Variants in SGCZ observed in about 807,000 individuals in gnomAD.
SGCZ encodes zeta-sarcoglycan.
In SGCZ, 40 loss-of-function variants were observed where a neutral mutation model predicts 41.3. The ratio of observed to expected loss-of-function variants is 0.97; its 90% CI spans 0.75 to 1.26. The LOEUF (loss-of-function observed/expected upper bound fraction) is 1.26. Ranked by LOEUF, SGCZ falls within the 50% of genes most tolerant of loss-of-function variation. The pLI, the probability that SGCZ is intolerant of heterozygous loss-of-function variation, is 0.00. For synonymous variants in SGCZ, 206 were observed against 137.5 expected (o/e 1.50, Z -3.49); for missense variants, 552 against 369.8 (o/e 1.49, Z -4.04).
intron 4 of SGCZ, among the ~76,000 whole-genome samples, chr8:14,233,398 G>C (rs935610254): frequency 2.0e-5 from 3 of 151,274 alleles, no homozygotes; most frequent in Admixed American, 1.3e-4. Context: ...TTTAAAAATA[G>C]TATGTTAAAT....
At chr8:14,464,722 T>C (rs1801000499) in intron 2 of SGCZ, among the ~76,000 whole-genome samples, 1 of 151,632 alleles carries the variant, frequency 6.6e-6, no homozygotes, top group Non-Finnish European at 1.5e-5. Flanking sequence ...CTTTTAAACA[T>C]TTATAACTAT....
chr8:14,113,976 C>A (rs920416773), intron 5 of SGCZ, among the ~76,000 whole-genome samples: 3 of 152,004 alleles, frequency 2.0e-5, no homozygotes, highest in Non-Finnish European at 2.9e-5. Flanking sequence ...ATCTGTGAAA[C>A]ATTTTCTTGG....
intron 1 of SGCZ, among the ~76,000 whole-genome samples, chr8:14,761,829 G>T (rs371403421): frequency 1.3e-5 from 2 of 151,936 alleles, no homozygotes; most frequent in African/African-American, 4.8e-5. Context: ...CATCACATCC[G>T]GCCCTGAATT....
At chr8:14,671,378 A>G (rs1808097235) in intron 1 of SGCZ, among the ~76,000 whole-genome samples, 1 of 152,164 alleles carries the variant, frequency 6.6e-6, no homozygotes, top group African/African-American at 2.4e-5. Flanking sequence ...TAATAGATGG[A>G]ATGGAATCAC....
chr8:15,017,962 C>T (rs899611022), intron 1 of SGCZ, among the ~76,000 whole-genome samples: 2 of 152,100 alleles, frequency 1.3e-5, no homozygotes, highest in Admixed American at 1.3e-4. Context: ...ACCCCTGGCC[C>T]AAAGTGATTC....
chr8:14,154,479 C>A (rs1803817051), intron 5 of SGCZ, among the ~76,000 whole-genome samples: 1 of 152,178 alleles, frequency 6.6e-6, no homozygotes, highest in Non-Finnish European at 1.5e-5. Context: ...GATCGAGACA[C>A]ATGTGAGTAA....
At chr8:14,168,707 A>G (rs1469220954) in intron 4 of SGCZ, among the ~76,000 whole-genome samples, 1 of 152,126 alleles carries the variant, frequency 6.6e-6, no homozygotes, top group Non-Finnish European at 1.5e-5. Flanking sequence ...AAACGGACTA[A>G]TACGCATTGT....
At chr8:14,965,132 G>A (rs1243277963) in intron 1 of SGCZ, among the ~76,000 whole-genome samples, 3 of 152,118 alleles carry the variant, frequency 2.0e-5, no homozygotes, top group Non-Finnish European at 4.4e-5. Context: ...ATACTCGAGA[G>A]GGGATCCACT....
chr8:14,914,226 A>G (rs1019646407), intron 1 of SGCZ, among the ~76,000 whole-genome samples: 6 of 142,482 alleles, frequency 4.2e-5, no homozygotes, highest in Admixed American at 2.8e-4. Context: ...ATAAATATGT[A>G]TGCGTATATA....
intron 2 of SGCZ, among the ~76,000 whole-genome samples, chr8:14,416,420 T>C (rs189762246): frequency 1.5e-4 from 23 of 151,992 alleles, no homozygotes; most frequent in Non-Finnish European, 2.7e-4. Context: ...AAGATAATAG[T>C]AAAGAACGAA....
intron 3 of SGCZ, among the ~76,000 whole-genome samples, chr8:14,274,937 C>G (rs1800177693): frequency 1.3e-5 from 2 of 152,068 alleles, no homozygotes; most frequent in South Asian, 4.1e-4. Flanking sequence ...TTGGCAAACT[C>G]ACTTCCTATC....
At chr8:14,590,256 G>A (rs73517206) in intron 1 of SGCZ, among the ~76,000 whole-genome samples, 2,409 of 151,994 alleles carry the variant, frequency 0.016, 68 homozygotes, top group African/African-American at 0.055. Context: ...AAAATAATAT[G>A]GTGTGGTAAG....
chr8:14,256,119 C>G (rs976746567), intron 3 of SGCZ, among the ~76,000 whole-genome samples: 3 of 152,098 alleles, frequency 2.0e-5, no homozygotes, highest in Admixed American at 1.3e-4. Context: ...AGCTGGGATA[C>G]TTGATAGATG....
At chr8:14,248,815 G>C (rs947672643) in intron 3 of SGCZ, among the ~76,000 whole-genome samples, 6 of 151,722 alleles carry the variant, frequency 4.0e-5, no homozygotes, top group Non-Finnish European at 8.8e-5. Context: ...GGAAACATTA[G>C]GGCCACATAT....
intron 1 of SGCZ, among the ~76,000 whole-genome samples, chr8:14,577,668 G>A (rs1028950441): frequency 1.4e-4 from 22 of 152,218 alleles, no homozygotes; most frequent in African/African-American, 4.8e-4. Flanking sequence ...GATTACAGCC[G>A]TGAGCCACGG....
In SGCZ at chr8:14,575,913, C is replaced by CAAAAAAAA. The variant is rs66656586; in HGVS notation, c.40-20995_40-20988dup. On this transcript the variant is annotated intron_variant, in intron 1 of 7. Coordinates refer to ENST00000382080, the MANE Select transcript of SGCZ (RefSeq NM_139167.4). Reference sequence around the variant, plus strand: ...AGAGTGAGACCCTGTCTCAAAATAACAAAAAAAAAAAAAAAAAAAAAAGAA... The same window carrying CAAAAAAAA: ...AGAGTGAGACCCTGTCTCAAAATAACAAAAAAAAAAAAAAAAAAAAAAAAAAAAAAGAA... 4.0e-3 allele frequency among the ~76,000 whole-genome samples: 396 copies of CAAAAAAAA among 100,000 alleles called. 1 individual carries two copies. The highest frequency in any genetic ancestry group is 5.0e-3 in the East Asian group (17 of 3,422). The allele number at this position is 100,000 out of a possible 152,430, so 65.6% of individuals were successfully genotyped here.
At chr8:14,335,216 A>G (rs1774540879) in intron 2 of SGCZ, among the ~76,000 whole-genome samples, 2 of 152,134 alleles carry the variant, frequency 1.3e-5, no homozygotes, top group African/African-American at 4.8e-5. Flanking sequence ...AGCCTCTTAG[A>G]CTAAAGAAGT....
At chr8:14,596,399 C>G (rs1367696311) in intron 1 of SGCZ, among the ~76,000 whole-genome samples, 1 of 152,048 alleles carries the variant, frequency 6.6e-6, no homozygotes, top group African/African-American at 2.4e-5. Flanking sequence ...CAATTTATCA[C>G]TCGGCAATAA....
rs773341326 is a variant in SGCZ at position 15,074,923 on chromosome 8, T to TC, written c.39+162661dup. 2.0e-5 allele frequency among the ~76,000 whole-genome samples: 3 copies of TC among 152,264 alleles called. No individual in the cohort carries two copies. The East Asian group carries it at 5.8e-4, about 29-fold the overall frequency. On this transcript the variant is annotated intron_variant, in intron 1 of 7. Transcript: ENST00000382080. ...CTGTGTATCTCTGTATCTGACCCTA[T>TC]CCCTTACTGCTATATCTCAGTATCC...
Sources: allele counts gnomAD v4.1 joint callset (sites outside exome capture counted in the v4.1 genomes callset), GRCh38; gene constraint gnomAD v4.1.1; transcripts MANE v1.5; gene names NCBI Gene and HGNC (gene_info 2026-07-23, HGNC 2026-07-21).